Variants in XKR9 observed in about 807,000 individuals in gnomAD.
The protein encoded by XKR9 is XK related 9, also known as XK-related protein 9.
A neutral mutation model predicts 32.0 loss-of-function variants in XKR9; 32 were observed. The ratio of observed to expected loss-of-function variants is 1.00; its 90% confidence interval spans 0.76 to 1.34. The LOEUF (loss-of-function observed/expected upper bound fraction) is 1.34. Ranked by LOEUF, XKR9 falls within the 40% of genes most tolerant of loss-of-function variation. The pLI is 0.00. For missense variants in XKR9, 546 were observed against 429.7 expected (o/e 1.27, Z -2.39); for synonymous variants, 168 against 143.4 (o/e 1.17, Z -1.22).
At chr8:70,980,024 G>A in the XKR9 span, among the ~76,000 whole-genome samples, 5 of 152,328 alleles carry the variant, frequency 3.3e-5, no homozygotes, top group Admixed American at 2.6e-4. Context: ...AGACTGCTGC[G>A]CTAGCAGTGA....
At chr8:70,815,726 C>A in the XKR9 span, among the ~76,000 whole-genome samples, 1 of 151,912 alleles carries the variant, frequency 6.6e-6, no homozygotes. Flanking sequence ...GGGATTTCAC[C>A]GTGTTAGCCA....
chr8:70,700,173 C>G (rs202189895), intron 3 of XKR9, among the ~76,000 whole-genome samples: 1 of 152,164 alleles, frequency 6.6e-6, no homozygotes, highest in Non-Finnish European at 1.5e-5. Flanking sequence ...AAGCCTTCTT[C>G]TCTCAACTCG....
the XKR9 span, among the ~76,000 whole-genome samples, chr8:71,005,295 T>C: frequency 8.0e-5 from 12 of 150,492 alleles, 1 homozygote; most frequent in East Asian, 2.0e-3. Flanking sequence ...CAATCTCAGC[T>C]CACTGCAATA....
the XKR9 span, among the ~76,000 whole-genome samples, chr8:70,915,166 T>C: frequency 2.0e-5 from 3 of 152,072 alleles, no homozygotes; most frequent in Non-Finnish European, 4.4e-5. Context: ...TCCATTAGAA[T>C]ACAGGGTCTG....
the XKR9 span, among the ~76,000 whole-genome samples, chr8:70,955,530 A>C: frequency 1.3e-5 from 2 of 152,188 alleles, no homozygotes. Context: ...TAATTTGTAG[A>C]CTCAGTAATA....
chr8:70,757,022 T>G (rs1457094918), intron 2 of XKR9, among the ~76,000 whole-genome samples: 1 of 152,238 alleles, frequency 6.6e-6, no homozygotes, highest in Non-Finnish European at 1.5e-5. Context: ...TTCCTCCTAC[T>G]CCTATTTATT....
chr8:71,005,204 GTTTTTTTTTCTTTTCTTTTTC>G, the XKR9 span, among the ~76,000 whole-genome samples: 1 of 141,806 alleles, frequency 7.1e-6, no homozygotes, highest in African/African-American at 2.6e-5. Flanking sequence ...CTGGGGCTCA[GTTTTTTTTTCTTTTCTTTTTC>G]TTTTTTTTTT....
In XKR9 at chr8:70,672,256, T is replaced by C. The variant is rs529952670; in HGVS notation, c.-360-2562T>C. Among the ~76,000 whole-genome samples the C allele has an allele frequency of 6.0e-4, 48 of 80,132 alleles. 5 individuals carry two copies. Among genetic ancestry groups the C allele is most frequent in the African/African-American group, 1.5e-3 (40 of 26,564 alleles). The allele number at this position is 80,132 out of a possible 152,430, so 52.6% of individuals were successfully genotyped here. On this transcript the variant is annotated intron_variant, in intron 1 of 4. Transcript: ENST00000408926. The stretch of plus-strand genomic sequence containing the variant: ...TATGGAACCAAAAAAGAGCCCGCAT[T>C]GCCAAGTCAATCCTAAGCCAAAAGA...
the XKR9 span, among the ~76,000 whole-genome samples, chr8:70,850,237 G>A: frequency 3.9e-5 from 6 of 152,034 alleles, no homozygotes; most frequent in South Asian, 2.1e-4. Context: ...TGAGGCAGGC[G>A]GATCACTAGG....
the XKR9 span, among the ~76,000 whole-genome samples, chr8:70,915,162 A>G: frequency 1.3e-5 from 2 of 152,138 alleles, no homozygotes; most frequent in African/African-American, 2.4e-5. Flanking sequence ...CAGGTCCATT[A>G]GAATACAGGG....
chr8:70,959,471 G>T, the XKR9 span, among the ~76,000 whole-genome samples: 4 of 152,128 alleles, frequency 2.6e-5, no homozygotes, highest in Non-Finnish European at 4.4e-5. Flanking sequence ...ATGGACACTG[G>T]ATTGTTTTTA....
At chr8:70,913,602 A>C in the XKR9 span, among the ~76,000 whole-genome samples, 2 of 152,314 alleles carry the variant, frequency 1.3e-5, no homozygotes, top group African/African-American at 4.8e-5. Context: ...CCTATATTTT[A>C]AATGCATTTG....
chr8:70,805,308 C>T, the XKR9 span, among the ~76,000 whole-genome samples: 1 of 152,222 alleles, frequency 6.6e-6, no homozygotes, highest in Non-Finnish European at 1.5e-5. Context: ...GTACCCACGC[C>T]ACTGGCGCCT....
the XKR9 span, among the ~76,000 whole-genome samples, chr8:70,950,674 T>C: frequency 1.6e-5 from 2 of 123,980 alleles, no homozygotes; most frequent in Non-Finnish European, 4.0e-5. Flanking sequence ...CTTTTTCTAT[T>C]CTTTGTTTTT....
At chr8:70,695,894 A>C (rs1332893869) in intron 3 of XKR9, among the ~76,000 whole-genome samples, 5 of 150,952 alleles carry the variant, frequency 3.3e-5, no homozygotes, top group Non-Finnish European at 7.4e-5. Context: ...ATGGTATCTC[A>C]TTGTGGTTTT....
the XKR9 span, among the ~76,000 whole-genome samples, chr8:71,022,079 A>G: frequency 3.9e-5 from 6 of 152,196 alleles, no homozygotes; most frequent in African/African-American, 1.4e-4. Context: ...AGCACAATTT[A>G]TTGAATAGGG....
At chr8:70,701,139 C>T (rs748079788) in intron 3 of XKR9, among the ~76,000 whole-genome samples, 11 of 152,168 alleles carry the variant, frequency 7.2e-5, no homozygotes, top group Non-Finnish European at 1.2e-4. Flanking sequence ...TTGCACTTCC[C>T]GAGTGAGGCA....
chr8:70,788,300 C>T lies in XKR9; in HGVS notation n.353-1039C>T, dbSNP rs142466502. Among the ~76,000 whole-genome samples, 240 of 152,190 alleles carry T rather than the reference C, an allele frequency of 1.6e-3. 1 individual carries two copies. Among genetic ancestry groups the T allele is most frequent in the African/African-American group, 5.6e-3 (232 of 41,560 alleles). On this transcript the variant is annotated intron_variant and non_coding_transcript_variant, in intron 2 of 3. Coordinates refer to the XKR9 transcript ENST00000520273. ...TAGTTGTTAGCTCATAAGGTTGTAACAGACACAGAAATAATTGTCAGTTGT... is the reference window on the plus strand; with the variant it reads ...TAGTTGTTAGCTCATAAGGTTGTAATAGACACAGAAATAATTGTCAGTTGT...
chr8:71,006,460 G>A, the XKR9 span, among the ~76,000 whole-genome samples: 1 of 152,186 alleles, frequency 6.6e-6, no homozygotes, highest in Admixed American at 6.5e-5. Context: ...AGGACAAATG[G>A]CCAGAGGGAC....
Sources: gnomAD v4.1 joint callset for allele counts (sites outside exome capture counted in the v4.1 genomes callset) on GRCh38, gnomAD v4.1.1 for gene constraint, MANE v1.5 for transcripts, NCBI Gene and HGNC (gene_info 2026-07-23, HGNC 2026-07-21) for gene names.